ATP7A: variants seen among roughly 807,000 people sequenced by gnomAD.
ATP7A encodes the protein ATPase copper transporting alpha, also known as copper-transporting ATPase 1.
ATP7A carries 7 observed loss-of-function variants against 83.5 expected under a neutral mutation model. The observed-to-expected ratio is 0.08, with a 90% CI of 0.05 to 0.16. ATP7A has a LOEUF of 0.16. ATP7A is among the 10% of genes least tolerant of loss of function. ATP7A has a pLI of 1.00. For missense variants in ATP7A, 940 were observed against 1,120.8 expected, an observed-to-expected ratio of 0.84 and a Z score of 2.30; for synonymous variants, 354 against 395.2, an observed-to-expected ratio of 0.90 and a Z score of 1.24.
In ATP7A at chrX:78,049,058, T is replaced by C. The variant is rs1603392027; in HGVS notation, c.*2488T>C. 1 of 112,180 alleles carries C rather than the reference T, an allele frequency of 8.9e-6. No individual in the cohort carries two copies. The highest frequency in any genetic ancestry group is 2.8e-4 in the East Asian group (1 of 3,594). 9.2% of individuals were successfully genotyped at this position (112,180 alleles called of 1,213,427 possible). ...TAATTAGAAAAAGTCCTGCTTTAAG[T>C]AATATGTAGCCACATTTGAATCCTC... On this transcript the variant is annotated 3_prime_UTR_variant, in exon 23 of 23. Transcript: ENST00000341514.
At chrX:77,955,156 G>A (rs2077433911) in intron 1 of ATP7A, among the ~76,000 whole-genome samples, 1 of 111,004 alleles carries the variant, frequency 9.0e-6, no homozygotes, top group Non-Finnish European at 1.9e-5. Flanking sequence ...AGTTTATCAT[G>A]TCTGTGCACA....
At chrX:78,007,617 G>A (rs782067299) in intron 6 of ATP7A, among the ~76,000 whole-genome samples, 5 of 112,242 alleles carry the variant, frequency 4.5e-5, no homozygotes, top group Non-Finnish European at 7.5e-5. Flanking sequence ...GAGCCACCGC[G>A]CCCGACCATT....
Position 78,040,621 on chromosome X carries a change from A to G in ATP7A, c.3689A>G (p.Asp1230Gly). ...DELCGLIAIA[D>G]TVKPEAELAI... Reference sequence around the variant, plus strand: ...CTGTGTGGCTTGATAGCCATTGCAGACACAGTGAAGCCTGAAGCAGAACTG... The same window carrying G: ...CTGTGTGGCTTGATAGCCATTGCAGGCACAGTGAAGCCTGAAGCAGAACTG... Residue 1230 changes from aspartate to glycine, a missense_variant, in exon 19 of 23, where the codon GAC becomes GGC. Asp to Gly is a moderately conservative substitution (Grantham distance 94). Coordinates refer to ENST00000341514, the MANE Select transcript of ATP7A (RefSeq NM_000052.7). 2.5e-6 allele frequency: 3 copies of G among 1,211,513 alleles called. No individual in the cohort carries two copies. The highest frequency in any genetic ancestry group is 3.4e-6 in the Non-Finnish European group (3 of 895,050).
At chrX:78,021,832 T>A (rs983115493) in intron 14 of ATP7A, among the ~76,000 whole-genome samples, 5 of 111,518 alleles carry the variant, frequency 4.5e-5, no homozygotes, top group African/African-American at 1.6e-4. Context: ...GGTTGAAAAC[T>A]TTCAAGCCTA....
chrX:78,000,357 C>T (rs894407141), intron 5 of ATP7A, among the ~76,000 whole-genome samples: 1 of 110,569 alleles, frequency 9.0e-6, no homozygotes, highest in Non-Finnish European at 1.9e-5. Context: ...AATTTAAGAA[C>T]CAACTATTTT....
At chrX:78,040,848 A>G in intron 19 of ATP7A, 115 bp downstream of exon 19, 1 of 947,234 alleles carries the variant, frequency 1.1e-6, no homozygotes. Flanking sequence ...GAGTAGTCCT[A>G]TCTGGTTCCT....
At chrX:77,944,223 T>C (rs1557225936) in intron 1 of ATP7A, among the ~76,000 whole-genome samples, 1 of 112,439 alleles carries the variant, frequency 8.9e-6, no homozygotes, top group Non-Finnish European at 1.9e-5. Flanking sequence ...ACATTATATG[T>C]CAAATAAAAA....
At position 78,003,133 on chromosome X, in the gene ATP7A, C is replaced by T; in HGVS notation, c.1604C>T (p.Ala535Val). 1 of 1,208,356 alleles carries T rather than the reference C, an allele frequency of 8.3e-7. No homozygotes were observed. The change falls in exon 6 of 23, where the codon GCT (alanine) becomes GTT (valine). Residue 535 changes from alanine (A) to valine (V), a missense_variant. Ala to Val is a moderately conservative substitution (Grantham distance 64, BLOSUM62 0). Coordinates refer to ENST00000341514, the MANE Select transcript of ATP7A (RefSeq NM_000052.7). Reference sequence around the variant, plus strand: ...AAGGCAGAAGTAAGGTATAATCCTGCTGTTATACAACCCCCAATGATAGCA... The same window carrying T: ...AAGGCAGAAGTAAGGTATAATCCTGTTGTTATACAACCCCCAATGATAGCA... ...AGKAEVRYNP[A>V]VIQPPMIAEF...
intron 7 of ATP7A, 54 bp downstream of exon 7, chrX:78,009,317 C>T (rs782498119): frequency 3.6e-5 from 41 of 1,142,495 alleles, no homozygotes; most frequent in Admixed American, 8.8e-5. Context: ...TCAGCACTCC[C>T]GTGAATCATT....
At chrX:78,023,251 A>G (rs1244839832) in intron 14 of ATP7A, among the ~76,000 whole-genome samples, 2 of 112,542 alleles carry the variant, frequency 1.8e-5, no homozygotes, top group African/African-American at 6.5e-5. Flanking sequence ...ATAAACACAC[A>G]CATGCAGTTG....
chrX:78,034,555 C>T (rs901510698), intron 17 of ATP7A, among the ~76,000 whole-genome samples: 22 of 111,133 alleles, frequency 2.0e-4, no homozygotes, highest in African/African-American at 6.5e-4. Flanking sequence ...CCCATCCATA[C>T]TACTGAATCC....
intron 1 of ATP7A, among the ~76,000 whole-genome samples, chrX:77,929,603 C>T (rs1312492371): frequency 4.6e-5 from 5 of 108,907 alleles, no homozygotes; most frequent in South Asian, 3.9e-4. Context: ...ATGATAGGAA[C>T]GAAATAAATT....
rs369633789 is a variant in ATP7A, at chrX:78,041,344, C to G, written c.3801+611C>G. On this transcript the variant is annotated intron_variant, in intron 19 of 22. Transcript: ENST00000341514. ...AGGCTGAAGTGCAGTGGCGCGATCT[C>G]GGCTCATCGCAACCTCCACCTCCTG... 3.6e-5 allele frequency among the ~76,000 whole-genome samples: 4 copies of G among 109,606 alleles called. No homozygotes were observed. In the East Asian group the frequency reaches 1.1e-3, roughly 31 times the overall value.
intron 2 of ATP7A, among the ~76,000 whole-genome samples, chrX:77,975,052 T>C (rs781879167): frequency 7.4e-4 from 83 of 112,313 alleles, no homozygotes; most frequent in African/African-American, 2.3e-3. Context: ...ATCCTTGCTA[T>C]TTATTTGCAT....
intron 1 of ATP7A, among the ~76,000 whole-genome samples, chrX:77,921,198 A>T (rs1268815018): frequency 1.8e-5 from 2 of 111,751 alleles, no homozygotes; most frequent in Non-Finnish European, 3.8e-5. Flanking sequence ...GTTACCATTC[A>T]TGCCATATGC....
intron 17 of ATP7A, among the ~76,000 whole-genome samples, chrX:78,035,579 C>G (rs1343465338): frequency 9.0e-6 from 1 of 110,746 alleles, no homozygotes; most frequent in Non-Finnish European, 1.9e-5. Context: ...TCCAGTCTCT[C>G]TGGACTTTGT....
chrX:77,924,934 C>T (rs1264436694), intron 1 of ATP7A, among the ~76,000 whole-genome samples: 4 of 111,660 alleles, frequency 3.6e-5, no homozygotes, highest in Non-Finnish European at 7.5e-5. Context: ...TCAGGTGATC[C>T]ACCCACCTCG....
At chrX:77,935,132 T>G (rs1557224954) in intron 1 of ATP7A, among the ~76,000 whole-genome samples, 1 of 111,459 alleles carries the variant, frequency 9.0e-6, no homozygotes, top group Admixed American at 9.6e-5. Flanking sequence ...AATTAATTAC[T>G]TAGAGTATTG....
chrX:78,043,208 A>T, intron 20 of ATP7A, 109 bp from the exon 21 acceptor site: 1 of 606,513 alleles, frequency 1.6e-6, no homozygotes. Flanking sequence ...TAATTAATTC[A>T]CATATTACCC....
Sources: gnomAD v4.1 joint callset for allele counts (sites outside exome capture counted in the v4.1 genomes callset) on GRCh38, gnomAD v4.1.1 for gene constraint, MANE v1.5 for transcripts, NCBI Gene and HGNC (gene_info 2026-07-23, HGNC 2026-07-21) for gene names.